The following TTC28 variants were observed in gnomAD, a reference collection of about 807,000 sequenced individuals.
The protein encoded by TTC28 is tetratricopeptide repeat protein 28.
TTC28 carries 61 observed loss-of-function variants against 198.0 expected under a neutral mutation model. The observed-to-expected ratio is 0.31, with a 90% CI of 0.25 to 0.38. The LOEUF (loss-of-function observed/expected upper bound fraction) is 0.38, where lower values mean the gene tolerates loss of function less well. Among genes scored for constraint, TTC28 ranks in the 10% least tolerant of loss-of-function variants. The pLI, the probability that TTC28 is intolerant of heterozygous loss-of-function variation, is 1.00. For missense variants in TTC28, 2,678 were observed against 3,164.0 expected (o/e 0.85, Z 3.69); for synonymous variants, 1,171 against 1,297.8 (o/e 0.90, Z 2.10).
rs561859457 is a variant in TTC28, at chr22:28,504,994, G to A, written c.381+124558C>T. Among the ~76,000 whole-genome samples, 13 of 152,100 alleles carry A rather than the reference G, an allele frequency of 8.5e-5. 1 individual carries two copies. Among genetic ancestry groups the A allele is most frequent in the African/African-American group, 3.1e-4 (13 of 41,510 alleles). On this transcript the variant is annotated intron_variant, in intron 2 of 22. Coordinates refer to ENST00000397906, the MANE Select transcript of TTC28 (RefSeq NM_001145418.2). ...CTTTAGGCCGGGTGCCGTGACTCACGCTTGTAATCCCAAGCACTTTGGGAG... is the reference window on the plus strand; with the variant it reads ...CTTTAGGCCGGGTGCCGTGACTCACACTTGTAATCCCAAGCACTTTGGGAG...
chr22:28,213,850 G>A (rs1402710777), intron 5 of TTC28, among the ~76,000 whole-genome samples: 1 of 152,118 alleles, frequency 6.6e-6, no homozygotes, highest in Non-Finnish European at 1.5e-5. Flanking sequence ...GAACAAAGCT[G>A]GAGGCATCAC....
At chr22:28,615,505 T>C (rs1051617495) in intron 2 of TTC28, among the ~76,000 whole-genome samples, 2 of 152,164 alleles carry the variant, frequency 1.3e-5, no homozygotes, top group Non-Finnish European at 2.9e-5. Context: ...CACACGTATG[T>C]TTATTGCAGC....
At chr22:28,199,431 TC>T in intron 5 of TTC28, among the ~76,000 whole-genome samples, 1 of 128,088 alleles carries the variant, frequency 7.8e-6, no homozygotes, top group Non-Finnish European at 1.6e-5. Context: ...ATGTAACTAT[TC>T]CAGGAGTTCA....
intron 7 of TTC28, 99 bp downstream of exon 7, chr22:28,106,963 G>A (rs1942325990): frequency 1.4e-6 from 2 of 1,411,026 alleles, no homozygotes; most frequent in African/African-American, 2.9e-5. Flanking sequence ...GAAAATGTTT[G>A]TAGTTAACAA....
intron 5 of TTC28, among the ~76,000 whole-genome samples, chr22:28,211,907 G>A (rs1392179143): frequency 1.3e-5 from 2 of 152,102 alleles, no homozygotes; most frequent in Non-Finnish European, 2.9e-5. Context: ...CAAATGTAAA[G>A]AACAGAAATT....
chr22:28,648,508 A>G (rs917515362), intron 1 of TTC28, among the ~76,000 whole-genome samples: 2 of 152,372 alleles, frequency 1.3e-5, no homozygotes, highest in Non-Finnish European at 1.5e-5. Flanking sequence ...ACCCAAAGGA[A>G]AAGAAGTCAT....
rs905971188 is a variant in TTC28 at position 27,978,602 on chromosome 22, T to C, written c.*3619A>G. 2 of 152,228 alleles carry C rather than the reference T, an allele frequency of 1.3e-5. No individual in the cohort carries two copies. Among genetic ancestry groups the C allele is most frequent in the African/African-American group, 4.8e-5 (2 of 41,452 alleles). 9.4% of individuals were successfully genotyped at this position (152,228 alleles called of 1,614,324 possible). ...GAGGACAGCGTGGGTGACACCTTTGTCTCCTGCTAAAACCCAGCAAGTTTC... is the reference window on the plus strand; with the variant it reads ...GAGGACAGCGTGGGTGACACCTTTGCCTCCTGCTAAAACCCAGCAAGTTTC... On this transcript the variant is annotated 3_prime_UTR_variant, in exon 23 of 23. Transcript: ENST00000397906.
rs1163730408 is a variant in TTC28 at position 28,424,137 on chromosome 22, T to C, written c.382-117494A>G. ...TTCCAGTATAATTGGCAAATAGAAA[T>C]TGTATATATTTAGGGTATACAACTT... On this transcript the variant is annotated intron_variant, in intron 2 of 22. Coordinates refer to ENST00000397906, the MANE Select transcript of TTC28 (RefSeq NM_001145418.2). Among the ~76,000 whole-genome samples, 5 of 152,338 alleles carry C rather than the reference T, an allele frequency of 3.3e-5. No individual in the cohort carries two copies. The South Asian group carries it at 6.2e-4, about 19-fold the overall frequency.
chr22:27,999,994 G>C (rs1290286453), intron 15 of TTC28: 6 of 152,136 alleles, frequency 3.9e-5, no homozygotes, highest in Non-Finnish European at 4.4e-5. Flanking sequence ...GCCTTTTCCA[G>C]GTTTCTGGTT....
chr22:28,383,649 T>C (rs1288801946), intron 2 of TTC28, among the ~76,000 whole-genome samples: 1 of 152,212 alleles, frequency 6.6e-6, no homozygotes, highest in Non-Finnish European at 1.5e-5. Flanking sequence ...CCACATTCAA[T>C]ACTTTAGAAA....
chr22:28,394,652 G>A (rs555551365), intron 2 of TTC28, among the ~76,000 whole-genome samples: 6 of 152,162 alleles, frequency 3.9e-5, no homozygotes, highest in East Asian at 1.9e-4. Flanking sequence ...TTCAAACTTG[G>A]GCCAAAATGA....
intron 2 of TTC28, among the ~76,000 whole-genome samples, chr22:28,412,706 C>T (rs997996553): frequency 2.0e-5 from 3 of 152,156 alleles, no homozygotes; most frequent in East Asian, 1.9e-4. Context: ...ACTGTTCTTA[C>T]GTTCATTTCA....
chr22:28,579,222 C>T (rs2050196348), intron 2 of TTC28, among the ~76,000 whole-genome samples: 1 of 149,900 alleles, frequency 6.7e-6, no homozygotes, highest in African/African-American at 2.5e-5. Context: ...CATACATACA[C>T]ATGTAGCTAC....
chr22:28,596,985 C>G (rs1445767392), intron 2 of TTC28, among the ~76,000 whole-genome samples: 1 of 152,180 alleles, frequency 6.6e-6, no homozygotes, highest in Non-Finnish European at 1.5e-5. Context: ...AGGTCAGGTT[C>G]ATATTTCACC....
At chr22:28,502,336 T>A (rs1403229837) in intron 2 of TTC28, among the ~76,000 whole-genome samples, 1 of 152,080 alleles carries the variant, frequency 6.6e-6, no homozygotes, top group Non-Finnish European at 1.5e-5. Context: ...GGATCCTTTC[T>A]GAAGAAATTA....
intron 5 of TTC28, among the ~76,000 whole-genome samples, chr22:28,191,816 T>G (rs1000905862): frequency 6.6e-6 from 1 of 152,160 alleles, no homozygotes; most frequent in Non-Finnish European, 1.5e-5. Context: ...TGGAGCCCAC[T>G]GCAGCTCAAG....
intron 2 of TTC28, among the ~76,000 whole-genome samples, chr22:28,386,364 T>G (rs1376383231): frequency 6.6e-6 from 1 of 150,950 alleles, no homozygotes; most frequent in Non-Finnish European, 1.5e-5. Flanking sequence ...TACTTTCACA[T>G]TACTTTGCTT....
chr22:28,061,900 G>T (rs1305852630), intron 12 of TTC28, among the ~76,000 whole-genome samples: 1 of 152,150 alleles, frequency 6.6e-6, no homozygotes, highest in East Asian at 1.9e-4. Context: ...TTGTTGAGCA[G>T]TGGTTTGTAG....
chr22:28,220,019 A>G (rs1014525299), intron 5 of TTC28, among the ~76,000 whole-genome samples: 2 of 152,176 alleles, frequency 1.3e-5, no homozygotes, highest in Non-Finnish European at 2.9e-5. Flanking sequence ...GAGTTTTCCT[A>G]CTGCAGCTGC....
Sources: gnomAD v4.1 joint callset for allele counts (sites outside exome capture counted in the v4.1 genomes callset) on GRCh38, gnomAD v4.1.1 for gene constraint, MANE v1.5 for transcripts, NCBI Gene and HGNC (gene_info 2026-07-23, HGNC 2026-07-21) for gene names.